Variants in PCDHA7 observed in about 807,000 individuals in gnomAD.
PCDHA7 encodes protocadherin alpha-7.
A neutral mutation model predicts 57.2 loss-of-function variants in PCDHA7; 37 were observed. The ratio of observed to expected loss-of-function variants is 0.65; its 90% CI spans 0.50 to 0.85. The LOEUF (loss-of-function observed/expected upper bound fraction) is 0.85. Ranked by LOEUF, PCDHA7 falls within the 40% of genes least tolerant of loss-of-function variation. The pLI, the probability that PCDHA7 is intolerant of heterozygous loss-of-function variation, is 0.00. For synonymous variants in PCDHA7, 553 were observed against 558.8 expected, an observed-to-expected ratio of 0.99 and a Z score of 0.15; for missense variants, 1,188 against 1,241.8, an observed-to-expected ratio of 0.96 and a Z score of 0.65.
chr5:140,917,334 G>GC (rs1563019411), intron 1 of PCDHA7, among the ~76,000 whole-genome samples: 1 of 147,630 alleles, frequency 6.8e-6, no homozygotes, highest in Non-Finnish European at 1.5e-5. Context: ...CGGGGGAGGG[G>GC]GGGGATGGTG....
At chr5:140,956,381 G>T (rs1380347643) in intron 1 of PCDHA7, among the ~76,000 whole-genome samples, 2 of 152,090 alleles carry the variant, frequency 1.3e-5, no homozygotes, top group African/African-American at 4.8e-5. Context: ...TTTTATCGAA[G>T]GCCTTTTCTG....
At chr5:140,975,208 G>A (rs1449804050) in intron 1 of PCDHA7, among the ~76,000 whole-genome samples, 1 of 152,170 alleles carries the variant, frequency 6.6e-6, no homozygotes, top group African/African-American at 2.4e-5. Context: ...TTCATGGCTG[G>A]CACTGGAGAA....
chr5:140,936,674 T>C (rs1410690822), intron 1 of PCDHA7, among the ~76,000 whole-genome samples: 6 of 152,228 alleles, frequency 3.9e-5, no homozygotes, highest in African/African-American at 1.4e-4. Context: ...GGACTGTCTA[T>C]TCTGTTTCAT....
intron 3 of PCDHA7, among the ~76,000 whole-genome samples, chr5:140,983,425 C>T (rs1252010683): frequency 2.0e-5 from 3 of 152,198 alleles, no homozygotes; most frequent in Non-Finnish European, 4.4e-5. Context: ...GTAGAGACCA[C>T]AAATTGTGTC....
intron 3 of PCDHA7, among the ~76,000 whole-genome samples, chr5:140,987,478 T>A (rs2097255782): frequency 6.6e-6 from 1 of 152,104 alleles, no homozygotes. Flanking sequence ...AGCTTGGGAG[T>A]CAGTGACCCT....
rs1322777523 is a variant in PCDHA7 at position 140,961,683 on chromosome 5, A to G, written c.2356-17266A>G. Among the ~76,000 whole-genome samples, 6 of 152,224 alleles carry G rather than the reference A, an allele frequency of 3.9e-5. No homozygotes were observed. The East Asian group carries it at 1.2e-3, about 29-fold the overall frequency. ...AGTTACCAGTTTTTAATTAAGCCGGAGTAGTCCTTAGTATGAATGCCTTCA... is the reference window on the plus strand; with the variant it reads ...AGTTACCAGTTTTTAATTAAGCCGGGGTAGTCCTTAGTATGAATGCCTTCA... On this transcript the variant is annotated intron_variant, in intron 1 of 3. Transcript: ENST00000525929.
In PCDHA7 at chr5:140,836,434, T is replaced by G. The variant is rs2150261046; in HGVS notation, c.2051T>G (p.Leu684Trp). Reference sequence around the variant, plus strand: ...CCAAAGGCGTCGTCGCGGGCATCGTTGGGCATTGCAGGCCCAGAGACCGAG... The same window carrying G: ...CCAAAGGCGTCGTCGCGGGCATCGTGGGGCATTGCAGGCCCAGAGACCGAG... ...QAPKASSRAS[L>W]GIAGPETELV... The change falls in exon 1 of 4, where the codon TTG (leucine) becomes TGG (tryptophan). Residue 684 changes from leucine to tryptophan, a missense_variant. Around this residue, in one of 3 missense-constraint regions of PCDHA7, gnomAD observed 892 missense variants for 788.5 expected, o/e 1.13. Transcript: ENST00000525929. 2 of 1,613,832 alleles carry G rather than the reference T, an allele frequency of 1.2e-6. No individual in the cohort carries two copies. The highest frequency in any genetic ancestry group is 1.7e-5 in the Admixed American group (1 of 60,014).
chr5:140,885,561 T>G (rs1378492280), intron 1 of PCDHA7, among the ~76,000 whole-genome samples: 2 of 152,192 alleles, frequency 1.3e-5, no homozygotes, highest in African/African-American at 4.8e-5. Context: ...TCTACGAAAT[T>G]GATTGTCAGA....
chr5:140,975,996 C>T (rs923472287), intron 1 of PCDHA7, among the ~76,000 whole-genome samples: 1 of 152,064 alleles, frequency 6.6e-6, no homozygotes, highest in African/African-American at 2.4e-5. Flanking sequence ...GAGGTACCAT[C>T]TAAGTATTAA....
intron 1 of PCDHA7, chr5:140,884,290 A>G: frequency 6.2e-7 from 1 of 1,613,642 alleles, no homozygotes; most frequent in Non-Finnish European, 8.5e-7. Flanking sequence ...AGAGCGGCCA[A>G]GCGCCACAGG....
Position 140,842,900 on chromosome 5 carries a change from G to A in PCDHA7, c.2355+6162G>A, listed in dbSNP as rs2150347456. ...CGCGCTGCAGCCGCTGGACCACGAG[G>A]AGCTAGAGCTGCTGCAGTTCCAGGT... On this transcript the variant is annotated intron_variant, in intron 1 of 3. Transcript: ENST00000525929. 6.3e-7 allele frequency: 1 copy of A among 1,594,414 alleles called. No homozygotes were observed. The highest frequency in any genetic ancestry group is 2.2e-5 in the East Asian group (1 of 44,796).
At chr5:140,914,944 C>CTTTT (rs35695909) in intron 1 of PCDHA7, among the ~76,000 whole-genome samples, 1 of 128,266 alleles carries the variant, frequency 7.8e-6, no homozygotes, top group South Asian at 2.5e-4. Context: ...GAAAAGTTGT[C>CTTTT]TTTTTTTTTT....
chr5:140,896,037 C>T (rs1373567434), intron 1 of PCDHA7, among the ~76,000 whole-genome samples: 1 of 152,156 alleles, frequency 6.6e-6, no homozygotes, highest in Non-Finnish European at 1.5e-5. Context: ...TCTCGAACTC[C>T]TGACCTCAGG....
chr5:140,912,860 G>T (rs1554195574), intron 1 of PCDHA7, among the ~76,000 whole-genome samples: 1 of 152,182 alleles, frequency 6.6e-6, no homozygotes, highest in South Asian at 2.1e-4. Flanking sequence ...CAATTGAAAT[G>T]ATATATGGTT....
chr5:140,986,073 G>A (rs1428668406), intron 3 of PCDHA7, among the ~76,000 whole-genome samples: 1 of 152,176 alleles, frequency 6.6e-6, no homozygotes, highest in East Asian at 1.9e-4. Context: ...TAAAGAAACT[G>A]TTCATTTATT....
In PCDHA7 at chr5:140,836,314, G is replaced by T. The variant is rs2150257460; in HGVS notation, c.1931G>T (p.Arg644Leu). The part of the protein sequence containing the change: ...TRALDETDAP[R>L]HRLLVLVKDH... The stretch of plus-strand genomic sequence containing the variant: ...GCCCTAGATGAGACGGACGCACCGC[G>T]CCACCGCCTTCTGGTGCTTGTGAAG... The change falls in exon 1 of 4, where the codon CGC (arginine) becomes CTC (leucine). Residue 644 changes from arginine to leucine, a missense_variant. Physicochemically the swap from Arg to Leu is moderately radical, Grantham distance 102 (BLOSUM62 -2). Transcript: ENST00000525929. 1.2e-6 allele frequency: 2 copies of T among 1,613,658 alleles called. No homozygotes were observed. The highest frequency in any genetic ancestry group is 1.1e-5 in the South Asian group (1 of 91,066).
At chr5:140,853,237 A>G (rs2042681652) in intron 1 of PCDHA7, 3 of 980,666 alleles carry the variant, frequency 3.1e-6, no homozygotes, top group African/African-American at 1.8e-5. Flanking sequence ...TTAGTCCTTC[A>G]TATTAATCTC....
intron 1 of PCDHA7, among the ~76,000 whole-genome samples, chr5:140,892,939 C>G (rs1583111138): frequency 6.6e-6 from 1 of 152,188 alleles, no homozygotes; most frequent in Non-Finnish European, 1.5e-5. Context: ...CTGATAAGCA[C>G]AATACTACTT....
At chr5:140,955,008 C>T (rs1393836611) in intron 1 of PCDHA7, among the ~76,000 whole-genome samples, 2 of 152,142 alleles carry the variant, frequency 1.3e-5, no homozygotes, top group Non-Finnish European at 2.9e-5. Flanking sequence ...CCAATTCTCC[C>T]AGCACCATTT....
Sources: allele counts gnomAD v4.1 joint callset (sites outside exome capture counted in the v4.1 genomes callset), GRCh38; gene constraint gnomAD v4.1.1; regional missense constraint gnomAD v4.1.1; transcripts MANE v1.5; gene names NCBI Gene and HGNC (gene_info 2026-07-23, HGNC 2026-07-21).